HEPHL1: variants seen among roughly 807,000 people sequenced by gnomAD.
The protein encoded by HEPHL1 is hephaestin like 1.
In HEPHL1, 123 loss-of-function variants were observed where a neutral mutation model predicts 122.0. The observed-to-expected ratio is 1.01, with a 90% CI of 0.87 to 1.17. HEPHL1 has a LOEUF of 1.17. Among genes scored for constraint, HEPHL1 ranks in the 50% most tolerant of loss-of-function variants. The pLI, the probability that HEPHL1 is intolerant of heterozygous loss-of-function variation, is 0.00. For missense variants in HEPHL1, 1,452 were observed against 1,430.5 expected, an observed-to-expected ratio of 1.01 and a Z score of -0.24; for synonymous variants, 527 against 508.9, an observed-to-expected ratio of 1.04 and a Z score of -0.48.
At chr11:94,056,258 T>A (rs1357507918) in intron 2 of HEPHL1, among the ~76,000 whole-genome samples, 2 of 152,182 alleles carry the variant, frequency 1.3e-5, no homozygotes, top group African/African-American at 4.8e-5. Flanking sequence ...TAAGACACAA[T>A]ACAAACAGCA....
At chr11:94,070,230 A>T (rs1946062798) in intron 5 of HEPHL1, 144 bp from the exon 6 acceptor site, 3 of 619,418 alleles carry the variant, frequency 4.8e-6, no homozygotes, top group African/African-American at 1.9e-5. Flanking sequence ...GTTGCCATTT[A>T]TCCTTTTTAA....
At chr11:94,070,675 T>A in intron 6 of HEPHL1, 133 bp downstream of exon 6, 2 of 724,366 alleles carry the variant, frequency 2.8e-6, no homozygotes, top group Non-Finnish European at 4.4e-6. Flanking sequence ...ATGTAGCTGC[T>A]TAAGGTGTTC....
intron 2 of HEPHL1, chr11:94,055,245 A>C: frequency 3.7e-6 from 1 of 269,714 alleles, no homozygotes; most frequent in Admixed American, 4.0e-5. Context: ...ATTTTCCACC[A>C]TGAATCTGGC....
At chr11:94,090,549 C>A (rs1946257175) in intron 12 of HEPHL1, among the ~76,000 whole-genome samples, 1 of 152,158 alleles carries the variant, frequency 6.6e-6, no homozygotes, top group Non-Finnish European at 1.5e-5. Flanking sequence ...ATTACACCTT[C>A]CCCTGTCACT....
At chr11:94,101,365 T>C in intron 14 of HEPHL1, 30 bp downstream of exon 14, 4 of 1,593,822 alleles carry the variant, frequency 2.5e-6, no homozygotes, top group Non-Finnish European at 3.4e-6. Flanking sequence ...TGCTCCATCT[T>C]GAAGAAGAAC....
At chr11:94,073,220 T>C in intron 7 of HEPHL1, 56 bp downstream of exon 7, 4 of 1,608,730 alleles carry the variant, frequency 2.5e-6, no homozygotes, top group Non-Finnish European at 3.4e-6. Flanking sequence ...TAGCTGGGCA[T>C]GTACATCTGC....
At chr11:94,038,098 T>C (rs1945742485) in intron 1 of HEPHL1, among the ~76,000 whole-genome samples, 1 of 149,262 alleles carries the variant, frequency 6.7e-6, no homozygotes, top group South Asian at 2.1e-4. Context: ...GCCGATGCGA[T>C]CGACTGGAAG....
At chr11:94,108,675 A>T (rs1368914813) in intron 17 of HEPHL1, among the ~76,000 whole-genome samples, 1 of 151,452 alleles carries the variant, frequency 6.6e-6, no homozygotes, top group African/African-American at 2.4e-5. Flanking sequence ...CACAGAATTG[A>T]CTCTTTACTT....
At chr11:94,041,732 A>G (rs1945782663) in intron 1 of HEPHL1, among the ~76,000 whole-genome samples, 1 of 46,002 alleles carries the variant, frequency 2.2e-5, no homozygotes, top group African/African-American at 9.4e-5. Context: ...TTCAAGATGG[A>G]TTAAAGATTT....
chr11:94,073,092 A>T lies in HEPHL1; in HGVS notation c.1300A>T (p.Thr434Ser). The T allele has an allele frequency of 6.2e-7, 1 of 1,613,062 alleles. No individual in the cohort carries two copies. The highest frequency in any genetic ancestry group is 1.3e-5 in the African/African-American group (1 of 74,990). Residue 434 changes from threonine to serine, a missense_variant, in exon 7 of 20, where the codon ACT becomes TCT. By Grantham distance (58) the Thr-to-Ser change is moderately conservative (BLOSUM62 1). Coordinates refer to ENST00000315765, the MANE Select transcript of HEPHL1 (RefSeq NM_001098672.2). ...AGGAAAATACTGGAAGGTTCGGTATACTGAATTTGTTGATGCAACTTTTAC... is the reference window on the plus strand; with the variant it reads ...AGGAAAATACTGGAAGGTTCGGTATTCTGAATTTGTTGATGCAACTTTTAC... ...IGGKYWKVRY[T>S]EFVDATFTKR...
At chr11:94,043,209 G>A (rs923380474) in intron 1 of HEPHL1, among the ~76,000 whole-genome samples, 5 of 152,116 alleles carry the variant, frequency 3.3e-5, no homozygotes, top group African/African-American at 1.2e-4. Context: ...AAACAAGTAG[G>A]AGTTGATTAG....
rs923634681 is a variant in HEPHL1, at chr11:94,112,318, C to T, written c.*424C>T. Reference sequence around the variant, plus strand: ...CAGACATTTAACTGGAAGGGCACTACTTTTTCAACATTGTTGCATAACATG... The same window carrying T: ...CAGACATTTAACTGGAAGGGCACTATTTTTTCAACATTGTTGCATAACATG... On this transcript the variant is annotated 3_prime_UTR_variant, in exon 20 of 20. Transcript: ENST00000315765. 6.5e-6 allele frequency: 1 copy of T among 153,746 alleles called. No individual in the cohort carries two copies. Among genetic ancestry groups the T allele is most frequent in the African/African-American group, 2.4e-5 (1 of 41,514 alleles). The allele number at this position is 153,746 out of a possible 1,614,324, so 9.5% of individuals were successfully genotyped here. A position where few individuals can be genotyped will look rare whatever the true frequency, so the allele number is the denominator to read the frequency against.
chr11:94,107,212 A>C (rs910782330), intron 17 of HEPHL1, among the ~76,000 whole-genome samples: 13 of 152,202 alleles, frequency 8.5e-5, no homozygotes, highest in African/African-American at 3.1e-4. Flanking sequence ...TAAAACATTT[A>C]ATATCCTTTC....
intron 11 of HEPHL1, among the ~76,000 whole-genome samples, chr11:94,087,773 G>A (rs1946230278): frequency 6.6e-6 from 1 of 152,086 alleles, no homozygotes; most frequent in African/African-American, 2.4e-5. Context: ...TTCCTCATGT[G>A]TCCTCATCAG....
chr11:94,029,235 C>T (rs1945652431), intron 1 of HEPHL1, among the ~76,000 whole-genome samples: 2 of 152,196 alleles, frequency 1.3e-5, no homozygotes, highest in Non-Finnish European at 2.9e-5. Flanking sequence ...GGAGTCAGTG[C>T]AGGGGAAGAA....
In HEPHL1 at chr11:94,090,031, C is replaced by A. The variant is rs184689794; in HGVS notation, c.2294+1063C>A. 9.9e-5 allele frequency among the ~76,000 whole-genome samples: 15 copies of A among 152,054 alleles called. No homozygotes were observed. In the East Asian group the frequency reaches 1.6e-3, roughly 16 times the overall value. On this transcript the variant is annotated intron_variant, in intron 12 of 19. Transcript: ENST00000315765. ...TGTTCCTATCTTAACACAAGTATTTCTTTTCTTATTTATTGGCCTTTGTTT... is the reference window on the plus strand; with the variant it reads ...TGTTCCTATCTTAACACAAGTATTTATTTTCTTATTTATTGGCCTTTGTTT...
intron 2 of HEPHL1, among the ~76,000 whole-genome samples, chr11:94,063,063 C>T (rs75210572): frequency 0.038 from 5,433 of 144,026 alleles, 255 homozygotes; most frequent in East Asian, 0.21. Context: ...ACACTTCCTT[C>T]CTATCTCTCA....
At chr11:94,044,234 G>T (rs1169262275) in intron 1 of HEPHL1, among the ~76,000 whole-genome samples, 1 of 152,076 alleles carries the variant, frequency 6.6e-6, no homozygotes, top group Non-Finnish European at 1.5e-5. Context: ...GACTGAGTCT[G>T]CCCTACGTCT....
At chr11:94,067,428 T>C (rs1474304841) in intron 4 of HEPHL1, 68 bp from the exon 5 acceptor site, 4 of 1,520,416 alleles carry the variant, frequency 2.6e-6, no homozygotes, top group Non-Finnish European at 1.8e-6. Flanking sequence ...AAGCCCGTAT[T>C]ACCAACATTT....
Sources: allele counts gnomAD v4.1 joint callset (sites outside exome capture counted in the v4.1 genomes callset), GRCh38; gene constraint gnomAD v4.1.1; transcripts MANE v1.5; gene names NCBI Gene and HGNC (gene_info 2026-07-23, HGNC 2026-07-21).